ATP2C2: variants seen among roughly 807,000 people sequenced by gnomAD.
The protein encoded by ATP2C2 is ATPase secretory pathway Ca2+ transporting 2, also known as calcium-transporting ATPase type 2C member 2.
In ATP2C2, 171 loss-of-function variants were observed where a neutral mutation model predicts 110.8. The observed-to-expected ratio is 1.54, with a 90% CI of 1.36 to 1.75. The LOEUF (loss-of-function observed/expected upper bound fraction) is 1.75. ATP2C2 is among the 40% of genes most tolerant of loss of function. The pLI is 0.00. For synonymous variants in ATP2C2, 804 were observed against 508.4 expected (o/e 1.58, Z -7.82); for missense variants, 1,963 against 1,235.0 (o/e 1.59, Z -8.84).
intron 11 of ATP2C2, among the ~76,000 whole-genome samples, chr16:84,436,146 C>G (rs912996001): frequency 6.6e-6 from 1 of 152,218 alleles, no homozygotes; most frequent in Non-Finnish European, 1.5e-5. Context: ...CCCAGCCACC[C>G]TTGTGTGATA....
intron 1 of ATP2C2, among the ~76,000 whole-genome samples, chr16:84,391,678 G>A (rs1398186154): frequency 6.6e-6 from 1 of 152,214 alleles, no homozygotes; most frequent in Non-Finnish European, 1.5e-5. Context: ...GATCTTGCCT[G>A]CAGGGTTCAA....
Position 84,454,855 on chromosome 16 carries a change from G to C in ATP2C2, c.2018G>C (p.Gly673Ala), listed in dbSNP as rs1392224754. Residue 673 changes from glycine to alanine, a missense_variant, in exon 21 of 27, where the codon GGG becomes GCG. Physicochemically the swap from Gly to Ala is moderately conservative, Grantham distance 60. Coordinates refer to ENST00000262429, the MANE Select transcript of ATP2C2 (RefSeq NM_014861.4). ...TCAGGGGCGATCGTGGCCATGACTG[G>C]GGATGGGGTGAACGACGCAGTGGCC... ...QESGAIVAMT[G>A]DGVNDAVALK... is the part of the protein sequence containing the mutation. 6.2e-7 allele frequency: 1 copy of C among 1,613,392 alleles called. No homozygotes were observed. The highest frequency in any genetic ancestry group is 8.5e-7 in the Non-Finnish European group (1 of 1,179,720).
At chr16:84,455,033 A>G (rs748508421) in intron 21 of ATP2C2, 49 bp downstream of exon 21, 2 of 1,491,550 alleles carry the variant, frequency 1.3e-6, no homozygotes, top group Non-Finnish European at 1.8e-6. Context: ...GCCTGGGGTC[A>G]CCAGCTTCTC....
rs545266913 is a variant in ATP2C2, at chr16:84,405,679, G to A, written c.327+435G>A. 7.9e-5 allele frequency among the ~76,000 whole-genome samples: 12 copies of A among 152,256 alleles called. No individual in the cohort carries two copies. In the South Asian group the frequency reaches 1.7e-3, roughly 21 times the overall value. On this transcript the variant is annotated intron_variant, in intron 3 of 26. Coordinates refer to ENST00000262429, the MANE Select transcript of ATP2C2 (RefSeq NM_014861.4). ...TCGTGCCTGTAATCCAAGCACTTTG[G>A]GCGGCTGAAGCGGGTGGATCACTTG...
In ATP2C2 at chr16:84,402,199, T is replaced by C. The variant is rs537354752; in HGVS notation, c.211-2929T>C. Among the ~76,000 whole-genome samples, 5 of 151,648 alleles carry C rather than the reference T, an allele frequency of 3.3e-5. No homozygotes were observed. In the South Asian group the frequency reaches 1.0e-3, roughly 31 times the overall value. Reference sequence around the variant, plus strand: ...ATCCTCTAACTTTACTGATTTTGTTTATGAGTTCTAATAGCTTTAGGTGGA... The same window carrying C: ...ATCCTCTAACTTTACTGATTTTGTTCATGAGTTCTAATAGCTTTAGGTGGA... On this transcript the variant is annotated intron_variant, in intron 2 of 26. Transcript: ENST00000262429.
At chr16:84,461,665 G>A (rs1363180865) in intron 24 of ATP2C2, 49 bp from the exon 25 acceptor site, 1 of 1,544,488 alleles carries the variant, frequency 6.5e-7, no homozygotes, top group Non-Finnish European at 9.0e-7. Context: ...GTTCAGGATG[G>A]AGGTTGTCTC....
intron 11 of ATP2C2, among the ~76,000 whole-genome samples, chr16:84,426,598 C>G (rs932847963): frequency 6.6e-6 from 1 of 152,122 alleles, no homozygotes; most frequent in Non-Finnish European, 1.5e-5. Context: ...GTTTCCTCCT[C>G]TGAAAAATGG....
At chr16:84,451,615 A>C (rs1944005336) in intron 17 of ATP2C2, among the ~76,000 whole-genome samples, 1 of 152,170 alleles carries the variant, frequency 6.6e-6, no homozygotes, top group Non-Finnish European at 1.5e-5. Flanking sequence ...AGGTGGGCAG[A>C]TCACCTGAGG....
At chr16:84,459,645 T>A in intron 23 of ATP2C2, 1 of 1,431,658 alleles carries the variant, frequency 7.0e-7, no homozygotes, top group Non-Finnish European at 9.5e-7. Flanking sequence ...CTGGGCAACC[T>A]GCATGGCTCA....
In ATP2C2 at chr16:84,462,123, G is replaced by A; in HGVS notation, c.2716G>A (p.Ala906Thr). ...GGTCTTCCAGACGGAGAACCTGGGA[G>A]CGCTTGGTGAGTGGTGGGGACGGGA... is the stretch of plus-strand genomic sequence containing the variant. ...QRVFQTENLG[A>T]LDLLFLTGLA... The change falls in exon 26 of 27, where the codon GCG becomes ACG. Residue 906 changes from alanine to threonine, a missense_variant. Coordinates refer to ENST00000262429, the MANE Select transcript of ATP2C2 (RefSeq NM_014861.4). 2 of 1,613,186 alleles carry A rather than the reference G, an allele frequency of 1.2e-6. No individual in the cohort carries two copies. Among genetic ancestry groups the A allele is most frequent in the Non-Finnish European group, 1.7e-6 (2 of 1,179,460 alleles).
At chr16:84,374,605 G>T (rs1161966977) in intron 1 of ATP2C2, among the ~76,000 whole-genome samples, 1 of 152,060 alleles carries the variant, frequency 6.6e-6, no homozygotes, top group Non-Finnish European at 1.5e-5. Flanking sequence ...CAACTAGAAG[G>T]AACTTCCAGT....
chr16:84,428,457 A>G (rs992228893), intron 11 of ATP2C2, among the ~76,000 whole-genome samples: 4 of 152,220 alleles, frequency 2.6e-5, no homozygotes, highest in African/African-American at 9.6e-5. Flanking sequence ...AGTTAATGGG[A>G]ATTGGAAATA....
In ATP2C2 at chr16:84,368,546, T is replaced by G; in HGVS notation, c.-70T>G. 1 of 1,265,122 alleles carries G rather than the reference T, an allele frequency of 7.9e-7. No individual in the cohort carries two copies. The highest frequency in any genetic ancestry group is 1.1e-6 in the Non-Finnish European group (1 of 907,936). The allele number at this position is 1,265,122 out of a possible 1,614,324, so 78.4% of individuals were successfully genotyped here. ...GTAACCGGGTCCGGCCCAGGAGGCT[T>G]GGGCGCGCGCAGCCATCCCGGGCCT... On this transcript the variant is annotated 5_prime_UTR_variant, in exon 1 of 27. Coordinates refer to ENST00000262429, the MANE Select transcript of ATP2C2 (RefSeq NM_014861.4).
intron 1 of ATP2C2, among the ~76,000 whole-genome samples, chr16:84,390,688 T>A (rs993628601): frequency 4.6e-5 from 7 of 152,114 alleles, no homozygotes; most frequent in African/African-American, 1.7e-4. Context: ...GTGAAAGTGT[T>A]TGGGGATGAG....
intron 1 of ATP2C2, among the ~76,000 whole-genome samples, chr16:84,390,617 AG>A (rs1238803979): frequency 6.6e-6 from 1 of 152,070 alleles, no homozygotes; most frequent in Non-Finnish European, 1.5e-5. Flanking sequence ...GTCGTTCCGG[AG>A]GCTGGAAAGG....
chr16:84,442,250 C>T (rs1909330408), intron 14 of ATP2C2, among the ~76,000 whole-genome samples: 1 of 152,178 alleles, frequency 6.6e-6, no homozygotes, highest in South Asian at 2.1e-4. Flanking sequence ...TTATCGGTCG[C>T]TCCCCGTTAC....
chr16:84,442,301 G>C (rs1163960271), intron 14 of ATP2C2, among the ~76,000 whole-genome samples: 1 of 152,090 alleles, frequency 6.6e-6, no homozygotes, highest in African/African-American at 2.4e-5. Flanking sequence ...TCCCTGCTGG[G>C]TTCCCTCATG....
At chr16:84,412,680 G>A (rs1316935191) in intron 6 of ATP2C2, among the ~76,000 whole-genome samples, 2 of 152,076 alleles carry the variant, frequency 1.3e-5, no homozygotes, top group East Asian at 1.9e-4. Context: ...TCTCCTAGTA[G>A]AAAATGAAAT....
At chr16:84,402,484 C>T (rs1437379229) in intron 2 of ATP2C2, among the ~76,000 whole-genome samples, 2 of 152,098 alleles carry the variant, frequency 1.3e-5, no homozygotes, top group Non-Finnish European at 2.9e-5. Context: ...TCCTTCTATA[C>T]CTAGTTTTTT....
Sources: allele counts gnomAD v4.1 joint callset (sites outside exome capture counted in the v4.1 genomes callset), GRCh38; gene constraint gnomAD v4.1.1; transcripts MANE v1.5; gene names NCBI Gene and HGNC (gene_info 2026-07-23, HGNC 2026-07-21).